IQCJ: variants seen among roughly 807,000 people sequenced by gnomAD.
IQCJ encodes the protein IQ domain-containing protein J.
In IQCJ, 9 loss-of-function variants were observed where a neutral mutation model predicts 11.0. That is an observed-to-expected ratio of 0.82 (90% CI 0.49 to 1.43). IQCJ has a LOEUF of 1.43. Among genes scored for constraint, IQCJ ranks in the 40% most tolerant of loss-of-function variants. The probability of loss-of-function intolerance (pLI) is 0.00; values close to 1 mark genes in which losing one functional copy is unlikely to be tolerated. For synonymous variants in IQCJ, 55 were observed against 51.3 expected (o/e 1.07, Z -0.31); for missense variants, 146 against 133.2 (o/e 1.10, Z -0.47).
chr3:159,193,543 T>C (rs1450720050), intron 1 of IQCJ, among the ~76,000 whole-genome samples: 1 of 152,202 alleles, frequency 6.6e-6, no homozygotes, highest in African/African-American at 2.4e-5. Flanking sequence ...GTGGTTTACT[T>C]GGTTTAATGT....
intron 1 of IQCJ, among the ~76,000 whole-genome samples, chr3:159,179,673 A>C (rs894479042): frequency 6.6e-6 from 1 of 152,204 alleles, no homozygotes; most frequent in Admixed American, 6.5e-5. Context: ...CATTTCTATG[A>C]AAAGAGACTG....
intron 1 of IQCJ, among the ~76,000 whole-genome samples, chr3:159,078,131 T>A (rs1366216743): frequency 1.3e-5 from 1 of 78,948 alleles, no homozygotes; most frequent in Non-Finnish European, 4.1e-5. Flanking sequence ...AAACATTAAA[T>A]CAAAAGCATT....
chr3:159,185,188 C>T (rs938565394), intron 1 of IQCJ, among the ~76,000 whole-genome samples: 2 of 152,132 alleles, frequency 1.3e-5, no homozygotes, highest in African/African-American at 4.8e-5. Context: ...GATGCTGGGG[C>T]CTCTGTCAGA....
At chr3:159,081,658 ATTC>A (rs910151283) in intron 1 of IQCJ, among the ~76,000 whole-genome samples, 7 of 152,088 alleles carry the variant, frequency 4.6e-5, no homozygotes, top group African/African-American at 1.2e-4. Flanking sequence ...TATAATTTAT[ATTC>A]TTCTTCTTTA....
At position 159,164,878 on chromosome 3, in the gene IQCJ, A is replaced by G. The variant is rs190078109; in HGVS notation, c.10-80965A>G. The stretch of plus-strand genomic sequence containing the variant: ...CTAGAGCTCTTTTGGAAGGTATACC[A>G]TGATTAAGCATTTTCTAGATCTTAG... On this transcript the variant is annotated intron_variant, in intron 1 of 3. Coordinates refer to ENST00000397832, the MANE Select transcript of IQCJ (RefSeq NM_001042706.3). Among the ~76,000 whole-genome samples the G allele has an allele frequency of 4.6e-5, 7 of 152,328 alleles. No homozygotes were observed. In the East Asian group the frequency reaches 9.6e-4, roughly 21 times the overall value.
chr3:159,147,302 CAT>C (rs1720974260), intron 1 of IQCJ, among the ~76,000 whole-genome samples: 1 of 152,210 alleles, frequency 6.6e-6, no homozygotes, highest in Admixed American at 6.5e-5. Context: ...TAAAGACTAT[CAT>C]TTTCAGCAGG....
intron 1 of IQCJ, among the ~76,000 whole-genome samples, chr3:159,192,795 C>G (rs952801545): frequency 1.3e-5 from 2 of 152,214 alleles, no homozygotes; most frequent in South Asian, 4.1e-4. Flanking sequence ...TTATTCCTTG[C>G]ATGCTCAGGT....
intron 1 of IQCJ, among the ~76,000 whole-genome samples, chr3:159,233,531 G>A (rs2122145): frequency 0.74 from 113,112 of 152,118 alleles, 42,916 homozygotes; most frequent in African/African-American, 0.87. Context: ...ATAAAAATCT[G>A]TGTGATAGTT....
intron 1 of IQCJ, among the ~76,000 whole-genome samples, chr3:159,217,783 T>C (rs1310550442): frequency 1.3e-5 from 2 of 152,162 alleles, no homozygotes; most frequent in Admixed American, 6.5e-5. Flanking sequence ...CCCTGCAATA[T>C]TACCTCCTTA....
chr3:159,094,366 G>A (rs530715512), intron 1 of IQCJ, among the ~76,000 whole-genome samples: 1 of 148,918 alleles, frequency 6.7e-6, no homozygotes, highest in African/African-American at 2.5e-5. Context: ...AGGCACCTCA[G>A]TGGTCTTCAG....
intron 1 of IQCJ, among the ~76,000 whole-genome samples, chr3:159,078,262 C>G (rs906905185): frequency 1.3e-5 from 2 of 151,124 alleles, no homozygotes; most frequent in East Asian, 1.9e-4. Flanking sequence ...TCTAAAACCC[C>G]TCACTCGGTC....
intron 1 of IQCJ, among the ~76,000 whole-genome samples, chr3:159,166,734 A>G (rs1408609389): frequency 6.6e-6 from 1 of 152,156 alleles, no homozygotes; most frequent in Non-Finnish European, 1.5e-5. Context: ...ACTTTATGCA[A>G]AGGAAAAATT....
chr3:159,127,870 G>T (rs1719770097), intron 1 of IQCJ, among the ~76,000 whole-genome samples: 1 of 152,154 alleles, frequency 6.6e-6, no homozygotes, highest in African/African-American at 2.4e-5. Flanking sequence ...CAAAGATTTT[G>T]CTGCAGTGCA....
intron 1 of IQCJ, among the ~76,000 whole-genome samples, chr3:159,093,050 C>A (rs1444091400): frequency 6.6e-6 from 1 of 151,698 alleles, no homozygotes; most frequent in African/African-American, 2.4e-5. Flanking sequence ...GTAGTTCAAA[C>A]TTTGACTCCC....
intron 1 of IQCJ, among the ~76,000 whole-genome samples, chr3:159,198,290 C>T (rs1462494042): frequency 1.3e-5 from 2 of 151,536 alleles, no homozygotes; most frequent in Non-Finnish European, 2.9e-5. Context: ...TGATTCTGAA[C>T]AAATGGAAAA....
intron 1 of IQCJ, among the ~76,000 whole-genome samples, chr3:159,199,556 C>A (rs1206069971): frequency 6.6e-6 from 1 of 152,104 alleles, no homozygotes; most frequent in Non-Finnish European, 1.5e-5. Context: ...CAGTTTATTA[C>A]AGCAGCAATA....
chr3:159,224,461 A>T (rs1725726491), intron 1 of IQCJ, among the ~76,000 whole-genome samples: 1 of 152,206 alleles, frequency 6.6e-6, no homozygotes, highest in South Asian at 2.1e-4. Context: ...TATACTACTG[A>T]ATAAGCAAAC....
At chr3:159,083,579 AC>A (rs1716482981) in intron 1 of IQCJ, among the ~76,000 whole-genome samples, 1 of 152,184 alleles carries the variant, frequency 6.6e-6, no homozygotes. Flanking sequence ...AAATGTGCTT[AC>A]CATGCAACAG....
At chr3:159,124,738 T>C (rs1264677723) in intron 1 of IQCJ, among the ~76,000 whole-genome samples, 2 of 152,232 alleles carry the variant, frequency 1.3e-5, no homozygotes, top group Non-Finnish European at 2.9e-5. Context: ...GGATTTAGCA[T>C]GGCATCTGGC....
Sources: gnomAD v4.1 joint callset for allele counts (sites outside exome capture counted in the v4.1 genomes callset) on GRCh38, gnomAD v4.1.1 for gene constraint, MANE v1.5 for transcripts, NCBI Gene and HGNC (gene_info 2026-07-23, HGNC 2026-07-21) for gene names.